ANGPTL5: variants seen among roughly 807,000 people sequenced by gnomAD.
The protein encoded by ANGPTL5 is angiopoietin like 5.
In ANGPTL5, 34 loss-of-function variants were observed where a neutral mutation model predicts 39.4. The observed-to-expected ratio is 0.86, with a 90% confidence interval of 0.66 to 1.15. ANGPTL5 has a LOEUF of 1.15. Ranked by LOEUF, ANGPTL5 falls within the 50% of genes most tolerant of loss-of-function variation. ANGPTL5 has a pLI of 0.00. For missense variants in ANGPTL5, 467 were observed against 457.5 expected, an observed-to-expected ratio of 1.02 and a Z score of -0.19; for synonymous variants, 146 against 152.1, an observed-to-expected ratio of 0.96 and a Z score of 0.29.
In ANGPTL5 at chr11:101,891,491, G is replaced by A; in HGVS notation, c.955C>T (p.Gln319Ter). ...AGGTGACTGCAGCTCTTCACAGACT[G>A]ACCATTGACCAGGCATGCAGGGCGA... ...GCRPACLVNG[Q>*]SVKSCSHLHN... Residue 319 changes from glutamine (Q) to a stop codon, truncating the protein, a stop_gained, in exon 9 of 9, where the codon CAG (glutamine) becomes TAG (stop). Coordinates refer to ENST00000334289, the MANE Select transcript of ANGPTL5 (RefSeq NM_178127.5). LOFTEE classifies it high-confidence loss of function. The A allele has an allele frequency of 6.2e-7, 1 of 1,614,032 alleles. No individual in the cohort carries two copies.
chr11:101,910,177 G>A (rs1259228292), intron 1 of ANGPTL5, among the ~76,000 whole-genome samples: 1 of 152,122 alleles, frequency 6.6e-6, no homozygotes, highest in African/African-American at 2.4e-5. Flanking sequence ...TTGGGAGGCT[G>A]AGGCGGGCGG....
At chr11:101,895,768 A>G (rs1005961645) in intron 7 of ANGPTL5, among the ~76,000 whole-genome samples, 1 of 151,958 alleles carries the variant, frequency 6.6e-6, no homozygotes, top group Non-Finnish European at 1.5e-5. Flanking sequence ...ATGGCTTTCT[A>G]CCTCTCCCTA....
At chr11:101,909,922 G>A (rs749519856) in intron 1 of ANGPTL5, among the ~76,000 whole-genome samples, 2 of 152,130 alleles carry the variant, frequency 1.3e-5, no homozygotes, top group Non-Finnish European at 2.9e-5. Context: ...ACTAATCAGA[G>A]TATACCCAAA....
At chr11:101,909,273 T>C (rs1479943720) in intron 1 of ANGPTL5, among the ~76,000 whole-genome samples, 1 of 152,156 alleles carries the variant, frequency 6.6e-6, no homozygotes, top group Non-Finnish European at 1.5e-5. Flanking sequence ...TTTCTCAGAG[T>C]TTCTCCAGTG....
intron 8 of ANGPTL5, 107 bp from the exon 9 acceptor site, chr11:101,891,705 A>G: frequency 8.8e-7 from 1 of 1,139,694 alleles, no homozygotes; most frequent in Non-Finnish European, 1.3e-6. Flanking sequence ...ATAGGGTTTA[A>G]ATTATTTTCC....
rs1939768370 is a variant in ANGPTL5, at chr11:101,895,062, CTCCTGT to C, written c.662-4_663del. On this transcript the variant is annotated splice_acceptor_variant and splice_polypyrimidine_tract_variant and coding_sequence_variant and intron_variant, in exon 8 of 9. Transcript: ENST00000334289. LOFTEE classifies it high-confidence loss of function. The stretch of plus-strand genomic sequence containing the variant: ...ATCTTTTTCAGTCCTAGCCAAAATT[CTCCTGT>C]AAAAAAAATGCTTTGTTTTAATATA... The C allele has an allele frequency of 6.4e-7, 1 of 1,569,484 alleles. No homozygotes were observed.
intron 7 of ANGPTL5, among the ~76,000 whole-genome samples, chr11:101,896,380 T>C (rs1396289874): frequency 1.3e-5 from 2 of 151,876 alleles, no homozygotes; most frequent in Non-Finnish European, 2.9e-5. Context: ...TTATTATACT[T>C]AAGTTCTGGG....
intron 8 of ANGPTL5, among the ~76,000 whole-genome samples, chr11:101,894,089 A>G (rs1342953334): frequency 1.3e-5 from 2 of 152,202 alleles, no homozygotes; most frequent in African/African-American, 4.8e-5. Flanking sequence ...TTTGGGTGCA[A>G]TCAACTGAAA....
Position 101,907,919 on chromosome 11 carries a change from G to A in ANGPTL5, c.-10C>T. The A allele has an allele frequency of 6.4e-7, 1 of 1,557,754 alleles. No individual in the cohort carries two copies. ...GGGATGGAGACATCATATTTTTCTTGGATAGATGAAAACACTTCTTCAAAT... is the reference window on the plus strand; with the variant it reads ...GGGATGGAGACATCATATTTTTCTTAGATAGATGAAAACACTTCTTCAAAT... On this transcript the variant is annotated 5_prime_UTR_variant, in exon 2 of 9. Coordinates refer to ENST00000334289, the MANE Select transcript of ANGPTL5 (RefSeq NM_178127.5).
intron 1 of ANGPTL5, among the ~76,000 whole-genome samples, chr11:101,914,863 TCGCG>T (rs1162263578): frequency 6.6e-6 from 1 of 152,078 alleles, no homozygotes; most frequent in African/African-American, 2.4e-5. Flanking sequence ...AGCTCACCCC[TCGCG>T]CAACAACCCG....
chr11:101,896,621 C>T (rs1455993495), intron 7 of ANGPTL5, among the ~76,000 whole-genome samples: 2 of 152,048 alleles, frequency 1.3e-5, no homozygotes, highest in Non-Finnish European at 2.9e-5. Flanking sequence ...GTTTTCTGTT[C>T]CTGTGTTAGT....
intron 4 of ANGPTL5, 84 bp from the exon 5 acceptor site, chr11:101,904,991 T>C: frequency 7.1e-6 from 7 of 980,586 alleles, no homozygotes; most frequent in Non-Finnish European, 1.1e-5. Flanking sequence ...AGCTCTGAAA[T>C]ACGTAATGGT....
intron 6 of ANGPTL5, among the ~76,000 whole-genome samples, chr11:101,901,315 G>T (rs78796590): frequency 1.5e-5 from 2 of 135,294 alleles, no homozygotes; most frequent in Non-Finnish European, 3.2e-5. Context: ...CACTGGGGGT[G>T]GGGGGGTGTG....
intron 8 of ANGPTL5, among the ~76,000 whole-genome samples, chr11:101,892,432 TGTTGGCCAG>T (rs1388199714): frequency 6.6e-6 from 1 of 152,130 alleles, no homozygotes; most frequent in East Asian, 1.9e-4. Context: ...GATTTCACCA[TGTTGGCCAG>T]GTTGGTCTTG....
At position 101,907,954 on chromosome 11, in the gene ANGPTL5, C is replaced by G. The variant is rs775185790; in HGVS notation, c.-45G>C. On this transcript the variant is annotated 5_prime_UTR_variant, in exon 2 of 9. Coordinates refer to ENST00000334289, the MANE Select transcript of ANGPTL5 (RefSeq NM_178127.5). ...AAACACTTCTTCAAATATCAGTCAG[C>G]TCTTTGTGGAAAGAACTACAGAGCA... is the stretch of plus-strand genomic sequence containing the variant. 1 of 1,361,116 alleles carries G rather than the reference C, an allele frequency of 7.3e-7. No homozygotes were observed. 84.3% of individuals were successfully genotyped at this position (1,361,116 alleles called of 1,614,324 possible). A position where few individuals can be genotyped will look rare whatever the true frequency, so the allele number is the denominator to read the frequency against.
chr11:101,891,225 A>T lies in ANGPTL5; in HGVS notation c.*54T>A. The T allele has an allele frequency of 2.0e-6, 3 of 1,486,380 alleles. No homozygotes were observed. Among genetic ancestry groups the T allele is most frequent in the African/African-American group, 1.4e-5 (1 of 70,360 alleles). The allele number at this position is 1,486,380 out of a possible 1,614,324, so 92.1% of individuals were successfully genotyped here. A position where few individuals can be genotyped will look rare whatever the true frequency, so the allele number is the denominator to read the frequency against. ...ACACTAAGTGAAAAGATAAACTTTT[A>T]AAAATCTTTAATATATTATCATTGT... On this transcript the variant is annotated 3_prime_UTR_variant, in exon 9 of 9. Transcript: ENST00000334289.
rs373473323 is a variant in ANGPTL5, at chr11:101,902,620, C to G, written c.540+1G>C. On this transcript the variant is annotated splice_donor_variant, in intron 6 of 8. Coordinates refer to ENST00000334289, the MANE Select transcript of ANGPTL5 (RefSeq NM_178127.5). LOFTEE classifies it high-confidence loss of function. Reference sequence around the variant, plus strand: ...GGGAAAACTTCAAATACGGGAAATACCTCAAATGGGTAGCTAGATCCTTCT... The same window carrying G: ...GGGAAAACTTCAAATACGGGAAATAGCTCAAATGGGTAGCTAGATCCTTCT... The G allele has an allele frequency of 1.3e-5, 20 of 1,591,640 alleles. No homozygotes were observed. The highest frequency in any genetic ancestry group is 1.7e-6 in the Non-Finnish European group (2 of 1,160,786).
chr11:101,891,048 A>T lies in ANGPTL5; in HGVS notation c.*231T>A. 2 of 343,624 alleles carry T rather than the reference A, an allele frequency of 5.8e-6. No homozygotes were observed. Among genetic ancestry groups the T allele is most frequent in the Non-Finnish European group, 1.0e-5 (2 of 191,854 alleles). The allele number at this position is 343,624 out of a possible 1,614,324, so 21.3% of individuals were successfully genotyped here. A position where few individuals can be genotyped will look rare whatever the true frequency, so the allele number is the denominator to read the frequency against. ...AGACAAGTTGTAGTTCACTTGAAAC[A>T]AATTTCATTGTATATTGTTAATATA... is the stretch of plus-strand genomic sequence containing the variant. On this transcript the variant is annotated 3_prime_UTR_variant, in exon 9 of 9. Transcript: ENST00000334289.
At chr11:101,910,424 A>AAAAATATAT (rs1469724609) in intron 1 of ANGPTL5, among the ~76,000 whole-genome samples, 1 of 127,218 alleles carries the variant, frequency 7.9e-6, no homozygotes, top group African/African-American at 3.0e-5. Context: ...AAAAAAAAAA[A>AAAAATATAT]ATATATATAT....
Sources: gnomAD v4.1 joint callset for allele counts (sites outside exome capture counted in the v4.1 genomes callset) on GRCh38, gnomAD v4.1.1 for gene constraint, MANE v1.5 for transcripts, NCBI Gene and HGNC (gene_info 2026-07-23, HGNC 2026-07-21) for gene names.